The following AP2A1 variants were observed in gnomAD, a reference collection of about 807,000 sequenced individuals.
AP2A1 encodes adaptor related protein complex 2 subunit alpha 1.
In AP2A1, 21 loss-of-function variants were observed where a neutral mutation model predicts 107.3. The observed-to-expected ratio is 0.20, with a 90% CI of 0.14 to 0.28. The LOEUF (loss-of-function observed/expected upper bound fraction) is 0.28. Ranked by LOEUF, AP2A1 falls within the 10% of genes least tolerant of loss-of-function variation. The pLI is 1.00. For missense variants in AP2A1, 873 were observed against 1,307.7 expected, an observed-to-expected ratio of 0.67 and a Z score of 5.13; for synonymous variants, 602 against 564.8, an observed-to-expected ratio of 1.07 and a Z score of -0.93.
chr19:49,767,861 C>T (rs1339730173), intron 1 of AP2A1, among the ~76,000 whole-genome samples: 2 of 151,368 alleles, frequency 1.3e-5, no homozygotes, highest in Non-Finnish European at 2.9e-5. Context: ...GCCTAGAAGA[C>T]ATGGAAGGCA....
At chr19:49,799,558 G>A in intron 9 of AP2A1, 63 bp downstream of exon 9, 1 of 1,601,360 alleles carries the variant, frequency 6.2e-7, no homozygotes, top group Non-Finnish European at 8.5e-7. Context: ...GAGGCTCAGA[G>A]GCCCTTGGGT....
At position 49,801,373 on chromosome 19, in the gene AP2A1, C is replaced by G; in HGVS notation, c.1554-17C>G. On this transcript the variant is annotated splice_polypyrimidine_tract_variant and intron_variant, in intron 12 of 22. Coordinates refer to ENST00000354293, the MANE Select transcript of AP2A1 (RefSeq NM_130787.3). ...GCAGTGGAACCTGGCCCCGCTGACA[C>G]CCACTCCTGCACACAGCCCCCCAGT... 1.2e-6 allele frequency: 2 copies of G among 1,607,336 alleles called. No individual in the cohort carries two copies. Among genetic ancestry groups the G allele is most frequent in the Non-Finnish European group, 8.5e-7 (1 of 1,175,600 alleles).
Position 49,788,956 on chromosome 19 carries a change from C to A in AP2A1, c.474-2979C>A, listed in dbSNP as rs2073108610. On this transcript the variant is annotated intron_variant, in intron 4 of 22. Transcript: ENST00000354293. The surrounding 1 kb of genome is among the most constrained non-coding windows in gnomAD (Gnocchi z 4.5). Reference sequence around the variant, plus strand: ...CTTTCTAGACAGAGGAAGCCCAGAGCCTCTCCAGAGGGCCTGTCCCTGTGT... The same window carrying A: ...CTTTCTAGACAGAGGAAGCCCAGAGACTCTCCAGAGGGCCTGTCCCTGTGT... 6.6e-6 allele frequency among the ~76,000 whole-genome samples: 1 copy of A among 152,184 alleles called. No homozygotes were observed. The highest frequency in any genetic ancestry group is 1.5e-5 in the Non-Finnish European group (1 of 68,026).
rs371627891 is a variant in AP2A1 at position 49,803,113 on chromosome 19, G to A, written c.2178G>A (p.Val726=). The change falls in exon 17 of 23, where the codon GTG becomes GTA. Residue 726 remains valine, a synonymous_variant. Transcript: ENST00000354293. ...PEADELLNKF[V]CKNNGVLFEN... Reference sequence around the variant, plus strand: ...GCGCCCCCTGCCCCCTCAGGTTTGTGTGTAAGAACAACGGGGTCCTGTTCG... The same window carrying A: ...GCGCCCCCTGCCCCCTCAGGTTTGTATGTAAGAACAACGGGGTCCTGTTCG... The A allele has an allele frequency of 6.2e-7, 1 of 1,614,040 alleles. No homozygotes were observed. The highest frequency in any genetic ancestry group is 1.1e-5 in the South Asian group (1 of 91,092).
At chr19:49,802,729 G>C in intron 15 of AP2A1, 1 of 1,114,400 alleles carries the variant, frequency 9.0e-7, no homozygotes, top group Non-Finnish European at 1.2e-6. Context: ...TTGGAGGAAA[G>C]GGAAACTTGG....
intron 1 of AP2A1, among the ~76,000 whole-genome samples, chr19:49,772,261 T>TG (rs1188041329): frequency 6.1e-5 from 8 of 131,158 alleles, no homozygotes; most frequent in East Asian, 4.5e-4. Context: ...TTTTTTTTTT[T>TG]TTTTTTTTTT....
chr19:49,770,909 T>C (rs2084549334), intron 1 of AP2A1, among the ~76,000 whole-genome samples: 1 of 152,050 alleles, frequency 6.6e-6, no homozygotes, highest in Non-Finnish European at 1.5e-5. Flanking sequence ...TGGAGTGCAA[T>C]GGGGTGATCT....
At chr19:49,779,511 A>AAAAC (rs369375626) in intron 1 of AP2A1, among the ~76,000 whole-genome samples, 99 of 145,338 alleles carry the variant, frequency 6.8e-4, no homozygotes, top group African/African-American at 2.6e-3. Context: ...AAAAAAAAAA[A>AAAAC]CAGAAACAGG....
intron 15 of AP2A1, chr19:49,802,746 C>G: frequency 9.6e-7 from 1 of 1,037,960 alleles, no homozygotes; most frequent in Non-Finnish European, 1.4e-6. Context: ...TTGGTGTCTG[C>G]CGATGCGGGG....
At chr19:49,805,405 C>T (rs1274807183) in intron 18 of AP2A1, 48 bp from the exon 19 acceptor site, 8 of 1,491,032 alleles carry the variant, frequency 5.4e-6, no homozygotes, top group Non-Finnish European at 7.2e-6. Flanking sequence ...CCCAGACCTC[C>T]CGGGGGCCCA....
chr19:49,773,113 CA>C (rs1452688108), intron 1 of AP2A1, among the ~76,000 whole-genome samples: 1 of 152,092 alleles, frequency 6.6e-6, no homozygotes, highest in African/African-American at 2.4e-5. Flanking sequence ...AGGTGAAAGG[CA>C]GGCTCTAAGG....
At chr19:49,790,419 A>G (rs1258579670) in intron 4 of AP2A1, among the ~76,000 whole-genome samples, 2 of 152,166 alleles carry the variant, frequency 1.3e-5, no homozygotes, top group African/African-American at 4.8e-5. Flanking sequence ...CATATCTGCA[A>G]AGTACCCCCA....
intron 1 of AP2A1, among the ~76,000 whole-genome samples, chr19:49,777,691 G>A (rs1263578438): frequency 6.6e-6 from 1 of 151,218 alleles, no homozygotes; most frequent in Non-Finnish European, 1.5e-5. Context: ...TATAATCCCA[G>A]CACTTCGGGA....
chr19:49,793,798 G>A (rs182908138), intron 6 of AP2A1, among the ~76,000 whole-genome samples: 20 of 151,680 alleles, frequency 1.3e-4, no homozygotes, highest in African/African-American at 4.6e-4. Context: ...CCAGAATTGA[G>A]ACTTAGAATA....
In AP2A1 at chr19:49,769,650, T is replaced by C. The variant is rs1312473662; in HGVS notation, c.67+2450T>C. On this transcript the variant is annotated intron_variant, in intron 1 of 22. Transcript: ENST00000354293. ...GGGAACAGGATCGGGAAAGGCTTTCTGGGCCATGGTGAGCACTTTGGCCTT... is the reference window on the plus strand; with the variant it reads ...GGGAACAGGATCGGGAAAGGCTTTCCGGGCCATGGTGAGCACTTTGGCCTT... Among the ~76,000 whole-genome samples the C allele has an allele frequency of 6.6e-5, 10 of 152,142 alleles. No homozygotes were observed. In the East Asian group the frequency reaches 1.9e-3, roughly 29 times the overall value.
chr19:49,802,554 C>A lies in AP2A1; in HGVS notation c.2115-395C>A, dbSNP rs373662953. The A allele has an allele frequency of 3.0e-4, 482 of 1,606,634 alleles. 1 individual carries two copies. Among genetic ancestry groups the A allele is most frequent in the Admixed American group, 9.5e-4 (57 of 59,898 alleles). On this transcript the variant is annotated intron_variant, in intron 15 of 22. Coordinates refer to ENST00000354293, the MANE Select transcript of AP2A1 (RefSeq NM_130787.3). The stretch of plus-strand genomic sequence containing the variant: ...CTCAGCGAGCTGGAGCCGCCTGCCC[C>A]CGAGAGCCCCATGGCTTTGCTGGCT...
intron 22 of AP2A1, 108 bp downstream of exon 22, chr19:49,806,361 TCCTC>T (rs1415502989): frequency 1.6e-6 from 1 of 631,206 alleles, no homozygotes; most frequent in Non-Finnish European, 1.9e-6. Context: ...ACTTTGACCC[TCCTC>T]CTCTCACATT....
At chr19:49,798,023 A>G (rs1389596094) in intron 7 of AP2A1, among the ~76,000 whole-genome samples, 1 of 152,208 alleles carries the variant, frequency 6.6e-6, no homozygotes, top group Non-Finnish European at 1.5e-5. Context: ...TGTGTGTCCC[A>G]TGGTGGCGAC....
In AP2A1 at chr19:49,779,511, A is replaced by AAAC. The variant is rs369375626; in HGVS notation, c.68-2246_68-2245insAAC. Among the ~76,000 whole-genome samples, 497 of 145,306 alleles carry AAAC rather than the reference A, an allele frequency of 3.4e-3. 6 individuals carry two copies. The highest frequency in any genetic ancestry group is 0.013 in the African/African-American group (467 of 37,262). ...ACAAAAAAAAAAAAAAAAAAAAAAAACAGAAACAGGCAAAATTAATTTTAA... is the reference window on the plus strand; with the variant it reads ...ACAAAAAAAAAAAAAAAAAAAAAAAAAACCAGAAACAGGCAAAATTAATTTTAA... On this transcript the variant is annotated intron_variant, in intron 1 of 22. Coordinates refer to ENST00000354293, the MANE Select transcript of AP2A1 (RefSeq NM_130787.3).
Sources: allele counts gnomAD v4.1 joint callset (sites outside exome capture counted in the v4.1 genomes callset), GRCh38; gene constraint gnomAD v4.1.1; non-coding constraint Gnocchi (gnomAD v3.1); transcripts MANE v1.5; gene names NCBI Gene and HGNC (gene_info 2026-07-23, HGNC 2026-07-21).